The following ZNF483 variants were observed in gnomAD, a reference collection of about 807,000 sequenced individuals.
ZNF483 encodes the protein zinc finger protein HIT-10.
ZNF483 carries 9 observed loss-of-function variants against 28.6 expected under a neutral mutation model. That is an observed-to-expected ratio of 0.32 (90% CI 0.19 to 0.55). The LOEUF is 0.55. Ranked by LOEUF, ZNF483 falls within the 20% of genes least tolerant of loss-of-function variation. ZNF483 has a pLI of 0.93. For synonymous variants in ZNF483, 322 were observed against 306.2 expected, an observed-to-expected ratio of 1.05 and a Z score of -0.54; for missense variants, 675 against 871.7, an observed-to-expected ratio of 0.77 and a Z score of 2.84.
chr9:111,574,210 A>G (rs1467360008), intron 5 of ZNF483: 1 of 152,230 alleles, frequency 6.6e-6, no homozygotes, highest in Non-Finnish European at 1.5e-5. Flanking sequence ...GCATTAAATG[A>G]TAGGTAAAAA....
In ZNF483 at chr9:111,541,878, T is replaced by C. The variant is rs147987108; in HGVS notation, c.943T>C (p.Ser315Pro). ...SPFGHNFKET[S>P]DLIKHLRVYL... ...CTTTGGACATAATTTCAAAGAAACT[T>C]CAGACTTAATTAAACATCTGAGAGT... Residue 315 changes from serine to proline, a missense_variant, in exon 6 of 6, where the codon TCA (serine) becomes CCA (proline). This residue lies in a region of ZNF483 where 525 missense variants were observed against 581.8 expected (regional missense o/e 0.90). Transcript: ENST00000309235. 267 of 1,613,684 alleles carry C rather than the reference T, an allele frequency of 1.7e-4. No homozygotes were observed. The highest frequency in any genetic ancestry group is 2.2e-4 in the Non-Finnish European group (257 of 1,179,950).
At chr9:111,560,977 A>G (rs1429860426) in intron 5 of ZNF483, among the ~76,000 whole-genome samples, 1 of 10,798 alleles carries the variant, frequency 9.3e-5, no homozygotes, top group East Asian at 1.9e-3. Context: ...ATATATATAG[A>G]GAGAGAGAGA....
At chr9:111,565,357 T>C (rs868705548) in intron 5 of ZNF483, among the ~76,000 whole-genome samples, 2 of 152,154 alleles carry the variant, frequency 1.3e-5, no homozygotes, top group Non-Finnish European at 2.9e-5. Flanking sequence ...AATAAGTTTG[T>C]TGTTTAAGCC....
At chr9:111,557,043 GC>G (rs1476447354), downstream of ZNF483, among the ~76,000 whole-genome samples, 3 of 152,220 alleles carry the variant, frequency 2.0e-5, no homozygotes, top group East Asian at 3.8e-4. Flanking sequence ...GGAAAGGGCT[GC>G]CGCGAAGATC....
chr9:111,574,635 C>G, intron 5 of ZNF483: 6 of 685,058 alleles, frequency 8.8e-6, no homozygotes, highest in Non-Finnish European at 1.4e-5. Context: ...ATATGAAAAT[C>G]TTTCTAATAA....
intron 5 of ZNF483, among the ~76,000 whole-genome samples, chr9:111,575,964 G>A (rs908139062): frequency 9.2e-5 from 14 of 151,892 alleles, no homozygotes; most frequent in Admixed American, 2.6e-4. Flanking sequence ...AGCCAGCCTG[G>A]GCAACATAGT....
intron 3 of ZNF483, 82 bp from the exon 4 acceptor site, chr9:111,533,657 A>G (rs1012724958): frequency 4.3e-6 from 6 of 1,407,738 alleles, no homozygotes; most frequent in East Asian, 5.3e-5. Flanking sequence ...CGACAGAGCC[A>G]TAATAGCCTG....
chr9:111,575,115 A>C (rs1241221487), intron 5 of ZNF483, among the ~76,000 whole-genome samples: 2 of 152,164 alleles, frequency 1.3e-5, no homozygotes, highest in African/African-American at 2.4e-5. Context: ...AGCCTGGCCA[A>C]CATGGTAAAA....
At chr9:111,560,636 CAAAAA>C (rs1015199330) in intron 5 of ZNF483, among the ~76,000 whole-genome samples, 5 of 26,296 alleles carry the variant, frequency 1.9e-4, no homozygotes, top group East Asian at 2.5e-3. Context: ...GACACCATCT[CAAAAA>C]AAAAAAAAAA....
chr9:111,528,266 A>G (rs1004127647), intron 2 of ZNF483, among the ~76,000 whole-genome samples: 3 of 152,208 alleles, frequency 2.0e-5, no homozygotes, highest in African/African-American at 7.2e-5. Flanking sequence ...CTGTTTTGCA[A>G]TTCAAGTACA....
Position 111,545,674 on chromosome 9 carries a change from GT to G in ZNF483, c.*2511del, listed in dbSNP as rs887676377. Among the ~76,000 whole-genome samples the G allele has an allele frequency of 2.0e-5, 3 of 151,904 alleles. No individual in the cohort carries two copies. The highest frequency in any genetic ancestry group is 6.6e-5 in the Admixed American group (1 of 15,254). Reference sequence around the variant, plus strand: ...TTTATGTTATATGTGATCTTTCTGTGTTTTTTTCATTAATGTGTTTTAAGTT... The same window carrying G: ...TTTATGTTATATGTGATCTTTCTGTGTTTTTTCATTAATGTGTTTTAAGTT... On this transcript the variant is annotated 3_prime_UTR_variant, in exon 6 of 6. Transcript: ENST00000309235.
At chr9:111,534,789 T>C (rs2132235065) in intron 5 of ZNF483, among the ~76,000 whole-genome samples, 1 of 145,750 alleles carries the variant, frequency 6.9e-6, no homozygotes, top group African/African-American at 2.6e-5. Context: ...AGTGGCGTGA[T>C]CTCGGCTCAC....
chr9:111,551,403 T>G lies in ZNF483; in HGVS notation c.*8233T>G, dbSNP rs1055410942. ...CTGAATCAAGTATCCAGTTTTTGTT[T>G]TTTTTTTTTTTTTTTTTTTTTTGAG... On this transcript the variant is annotated 3_prime_UTR_variant, in exon 6 of 6. Coordinates refer to ENST00000309235, the MANE Select transcript of ZNF483 (RefSeq NM_133464.5). Among the ~76,000 whole-genome samples the G allele has an allele frequency of 1.5e-4, 7 of 46,838 alleles. No homozygotes were observed. Among genetic ancestry groups the G allele is most frequent in the African/African-American group, 5.7e-4 (4 of 7,062 alleles). 30.7% of individuals were successfully genotyped at this position (46,838 alleles called of 152,430 possible).
chr9:111,562,962 A>G (rs557586103), intron 5 of ZNF483: 1 of 1,399,188 alleles, frequency 7.1e-7, no homozygotes, highest in African/African-American at 1.4e-5. Context: ...ATCCTCCATC[A>G]CTAATTACAT....
chr9:111,525,710 A>T (rs1162302269), intron 1 of ZNF483, among the ~76,000 whole-genome samples: 1 of 151,892 alleles, frequency 6.6e-6, no homozygotes, highest in Non-Finnish European at 1.5e-5. Flanking sequence ...TCACATTTTC[A>T]CCGGGCCTCC....
At chr9:111,569,371 GAAGA>G (rs992142431) in intron 5 of ZNF483, among the ~76,000 whole-genome samples, 8 of 152,174 alleles carry the variant, frequency 5.3e-5, no homozygotes, top group Non-Finnish European at 8.8e-5. Flanking sequence ...GAAGCCAAGG[GAAGA>G]AAGCATATCA....
Position 111,553,487 on chromosome 9 carries a change from CTT to C in ZNF483, c.*10318_*10319del, listed in dbSNP as rs1828032833. On this transcript the variant is annotated 3_prime_UTR_variant, in exon 6 of 6. Transcript: ENST00000309235. The stretch of plus-strand genomic sequence containing the variant: ...TGCTGTTTGCATAGGTATACTCTAT[CTT>C]GTGCTATCTGCATAAAATATCCAAG... Among the ~76,000 whole-genome samples the C allele has an allele frequency of 6.6e-6, 1 of 152,046 alleles. No homozygotes were observed. The highest frequency in any genetic ancestry group is 6.6e-5 in the Admixed American group (1 of 15,260).
rs921447389 is a variant in ZNF483, at chr9:111,549,029, AGTC to A, written c.*5860_*5862del. ...GGTGTCTCTGTGGGGTGAGGGTAGGAGTCAATTGCAGTGCTTGTTGCCATAGTT... is the reference window on the plus strand; with the variant it reads ...GGTGTCTCTGTGGGGTGAGGGTAGGAAATTGCAGTGCTTGTTGCCATAGTT... On this transcript the variant is annotated 3_prime_UTR_variant, in exon 6 of 6. Coordinates refer to ENST00000309235, the MANE Select transcript of ZNF483 (RefSeq NM_133464.5). Among the ~76,000 whole-genome samples the A allele has an allele frequency of 2.0e-5, 3 of 152,018 alleles. No homozygotes were observed. Among genetic ancestry groups the A allele is most frequent in the African/African-American group, 7.2e-5 (3 of 41,386 alleles).
At chr9:111,525,974 G>A (rs1477885192) in intron 1 of ZNF483, among the ~76,000 whole-genome samples, 1 of 152,098 alleles carries the variant, frequency 6.6e-6, no homozygotes, top group Non-Finnish European at 1.5e-5. Context: ...TGGACCCTCT[G>A]TGAGCGTGAG....
Sources: allele counts gnomAD v4.1 joint callset (sites outside exome capture counted in the v4.1 genomes callset), GRCh38; gene constraint gnomAD v4.1.1; regional missense constraint gnomAD v4.1.1; transcripts MANE v1.5; gene names NCBI Gene and HGNC (gene_info 2026-07-23, HGNC 2026-07-21).